PRKG1: variants seen among roughly 807,000 people sequenced by gnomAD.
PRKG1 encodes protein kinase cGMP-dependent 1.
Under a neutral mutation model 88.1 loss-of-function variants are expected in PRKG1, and 35 were observed. The observed-to-expected ratio is 0.40, with a 90% confidence interval of 0.30 to 0.53. The LOEUF (loss-of-function observed/expected upper bound fraction) is 0.53, where lower values mean the gene tolerates loss of function less well. Ranked by LOEUF, PRKG1 falls within the 20% of genes least tolerant of loss-of-function variation. PRKG1 has a pLI of 0.59. For synonymous variants in PRKG1, 303 were observed against 292.5 expected, an observed-to-expected ratio of 1.04 and a Z score of -0.37; for missense variants, 540 against 839.8, an observed-to-expected ratio of 0.64 and a Z score of 4.41.
intron 3 of PRKG1, among the ~76,000 whole-genome samples, chr10:51,788,663 C>T (rs1838790445): frequency 6.6e-6 from 1 of 152,124 alleles, no homozygotes; most frequent in African/African-American, 2.4e-5. Flanking sequence ...TTAACGGGAC[C>T]TAGATAGAAA....
At chr10:52,261,347 C>A (rs991189679) in intron 10 of PRKG1, among the ~76,000 whole-genome samples, 1 of 151,974 alleles carries the variant, frequency 6.6e-6, no homozygotes, top group Non-Finnish European at 1.5e-5. Flanking sequence ...AGAAGAGAGA[C>A]CCTCTCTTGA....
intron 3 of PRKG1, among the ~76,000 whole-genome samples, chr10:51,744,583 A>T (rs1349305664): frequency 1.3e-5 from 2 of 152,120 alleles, no homozygotes; most frequent in African/African-American, 4.8e-5. Flanking sequence ...TTATGTTAGT[A>T]TTTCATGTAT....
At chr10:51,174,978 G>A (rs571026956) in intron 2 of PRKG1, among the ~76,000 whole-genome samples, 4 of 151,978 alleles carry the variant, frequency 2.6e-5, no homozygotes, top group East Asian at 1.9e-4. Flanking sequence ...TTATTTATAC[G>A]TTGTGAGTAA....
chr10:52,072,829 T>C (rs189189775), intron 7 of PRKG1, among the ~76,000 whole-genome samples: 1 of 152,298 alleles, frequency 6.6e-6, no homozygotes, highest in East Asian at 1.9e-4. Context: ...AGCCACCTAA[T>C]TGGTCTCCCT....
At chr10:51,254,240 G>A (rs574057117) in intron 2 of PRKG1, among the ~76,000 whole-genome samples, 72 of 151,696 alleles carry the variant, frequency 4.7e-4, no homozygotes, top group Non-Finnish European at 1.0e-3. Flanking sequence ...AATTTTCCTA[G>A]GAAAATTTAG....
At chr10:51,243,487 G>A (rs1432128537) in intron 2 of PRKG1, among the ~76,000 whole-genome samples, 1 of 152,104 alleles carries the variant, frequency 6.6e-6, no homozygotes. Flanking sequence ...GTATGTGCAG[G>A]TGCCTACCTA....
At chr10:51,424,028 G>A (rs548515750) in intron 2 of PRKG1, among the ~76,000 whole-genome samples, 1 of 152,200 alleles carries the variant, frequency 6.6e-6, no homozygotes, top group Admixed American at 6.5e-5. Flanking sequence ...AGACTCTTCT[G>A]TGCCTTTTGG....
chr10:51,655,190 T>C (rs1362394729), intron 3 of PRKG1, among the ~76,000 whole-genome samples: 1 of 152,178 alleles, frequency 6.6e-6, no homozygotes, highest in Admixed American at 6.5e-5. Flanking sequence ...AACTTTACTT[T>C]GTTCATTCTC....
At chr10:51,007,343 C>T (rs986872797) in intron 1 of PRKG1, among the ~76,000 whole-genome samples, 6 of 152,220 alleles carry the variant, frequency 3.9e-5, no homozygotes, top group African/African-American at 1.4e-4. Flanking sequence ...TGATTCTCTC[C>T]AGTTTCTTCC....
intron 3 of PRKG1, among the ~76,000 whole-genome samples, chr10:51,757,258 C>T (rs1301687707): frequency 6.6e-6 from 1 of 152,044 alleles, no homozygotes; most frequent in Non-Finnish European, 1.5e-5. Context: ...CCTGCCACCA[C>T]ATCCAGCTAA....
intron 1 of PRKG1, among the ~76,000 whole-genome samples, chr10:51,077,542 T>A (rs1158809157): frequency 6.6e-6 from 1 of 152,206 alleles, no homozygotes; most frequent in African/African-American, 2.4e-5. Flanking sequence ...AGTTCTGGTT[T>A]CTTGGTAAAT....
chr10:51,278,458 G>T (rs149870827), intron 2 of PRKG1, among the ~76,000 whole-genome samples: 3,877 of 152,258 alleles, frequency 0.025, 60 homozygotes, highest in Non-Finnish European at 0.041. Context: ...TTAGGATGAT[G>T]CTGGCCTCAT....
intron 1 of PRKG1, among the ~76,000 whole-genome samples, chr10:51,056,488 G>C (rs182466327): frequency 2.0e-5 from 3 of 152,316 alleles, no homozygotes; most frequent in Admixed American, 6.5e-5. Context: ...GTTTTCAGCA[G>C]TTATCTTTGG....
intron 1 of PRKG1, among the ~76,000 whole-genome samples, chr10:51,034,342 T>C (rs1380327941): frequency 6.6e-6 from 1 of 152,036 alleles, no homozygotes; most frequent in Non-Finnish European, 1.5e-5. Context: ...AATAAGTAGT[T>C]TGTTGGTAAT....
chr10:51,488,716 T>A (rs1589009974), intron 3 of PRKG1, among the ~76,000 whole-genome samples: 1 of 152,148 alleles, frequency 6.6e-6, no homozygotes, highest in Non-Finnish European at 1.5e-5. Flanking sequence ...ACACATCATC[T>A]AGACAAACTA....
chr10:51,534,666 C>CAAAAAAAAAA (rs10626534), intron 3 of PRKG1, among the ~76,000 whole-genome samples: 5 of 120,792 alleles, frequency 4.1e-5, no homozygotes, highest in Admixed American at 8.9e-5. Context: ...GACTCTGTCT[C>CAAAAAAAAAA]AAAAAAAAAA....
chr10:51,308,785 A>G (rs1841104499), intron 2 of PRKG1, among the ~76,000 whole-genome samples: 1 of 152,142 alleles, frequency 6.6e-6, no homozygotes, highest in Non-Finnish European at 1.5e-5. Context: ...AAAGGGAAAA[A>G]GTGGGGTTTT....
chr10:51,200,503 T>G (rs1173686483), intron 2 of PRKG1, among the ~76,000 whole-genome samples: 1 of 152,192 alleles, frequency 6.6e-6, no homozygotes, highest in African/African-American at 2.4e-5. Flanking sequence ...CATTGTAATA[T>G]TCTTCCTTTC....
chr10:51,638,309 C>T (rs763760526), intron 3 of PRKG1, among the ~76,000 whole-genome samples: 15 of 152,066 alleles, frequency 9.9e-5, no homozygotes, highest in Admixed American at 2.0e-4. Flanking sequence ...AAGTCACAGC[C>T]GTAAAGACAC....
Sources: allele counts gnomAD v4.1 joint callset (sites outside exome capture counted in the v4.1 genomes callset), GRCh38; gene constraint gnomAD v4.1.1; transcripts MANE v1.5; gene names NCBI Gene and HGNC (gene_info 2026-07-23, HGNC 2026-07-21).